Variants in EYS observed in about 807,000 individuals in gnomAD.
EYS encodes the protein protein eyes shut homolog.
EYS carries 250 observed loss-of-function variants against 282.1 expected under a neutral mutation model. The observed-to-expected ratio is 0.89, with a 90% CI of 0.80 to 0.98. The LOEUF (loss-of-function observed/expected upper bound fraction) is 0.98. Ranked by LOEUF, EYS falls within the 50% of genes least tolerant of loss-of-function variation. EYS has a pLI of 0.00. For missense variants in EYS, 4,016 were observed against 3,709.0 expected, an observed-to-expected ratio of 1.08 and a Z score of -2.15; for synonymous variants, 1,355 against 1,282.9, an observed-to-expected ratio of 1.06 and a Z score of -1.20.
intron 41 of EYS, among the ~76,000 whole-genome samples, chr6:63,759,742 A>C (rs1190513709): frequency 6.6e-6 from 1 of 152,044 alleles, no homozygotes; most frequent in African/African-American, 2.4e-5. Flanking sequence ...GGCCAAATAC[A>C]CCTGAAAAAC....
chr6:63,767,588 A>G (rs1253875836), intron 40 of EYS, among the ~76,000 whole-genome samples: 1 of 152,128 alleles, frequency 6.6e-6, no homozygotes. Context: ...GATAACACAA[A>G]CAAATGAAAA....
At chr6:65,600,333 A>C (rs1288582481) in intron 2 of EYS, among the ~76,000 whole-genome samples, 1 of 152,020 alleles carries the variant, frequency 6.6e-6, no homozygotes, top group Non-Finnish European at 1.5e-5. Flanking sequence ...GTAAACCTTC[A>C]AGAAGAACCT....
chr6:64,179,147 G>C (rs1764717986), intron 31 of EYS, among the ~76,000 whole-genome samples: 1 of 152,028 alleles, frequency 6.6e-6, no homozygotes, highest in Non-Finnish European at 1.5e-5. Context: ...AAGAATGTAT[G>C]TCCAAATAGT....
At chr6:64,367,694 T>C (rs1347395320) in intron 29 of EYS, among the ~76,000 whole-genome samples, 1 of 152,100 alleles carries the variant, frequency 6.6e-6, no homozygotes, top group African/African-American at 2.4e-5. Context: ...TATTCTATAT[T>C]GCATATGTCA....
intron 18 of EYS, among the ~76,000 whole-genome samples, chr6:64,896,746 A>T (rs1352052155): frequency 6.6e-6 from 1 of 151,970 alleles, no homozygotes; most frequent in Non-Finnish European, 1.5e-5. Flanking sequence ...TCCACCTGGG[A>T]TGCTGGAGTT....
chr6:63,994,148 T>C (rs9450502), intron 34 of EYS, among the ~76,000 whole-genome samples: 6,203 of 152,064 alleles, frequency 0.041, 377 homozygotes, highest in African/African-American at 0.14. Context: ...CTTGAGGTAG[T>C]AGAAAATTCA....
At chr6:63,913,476 C>A (rs922269743) in intron 35 of EYS, among the ~76,000 whole-genome samples, 4 of 152,098 alleles carry the variant, frequency 2.6e-5, no homozygotes, top group East Asian at 1.9e-4. Context: ...AGCTCCATGC[C>A]CATTATCATG....
chr6:64,478,506 T>A (rs1318783832), intron 26 of EYS, among the ~76,000 whole-genome samples: 1 of 151,546 alleles, frequency 6.6e-6, no homozygotes, highest in African/African-American at 2.4e-5. Flanking sequence ...AATTTTTTCA[T>A]AATATTAAAT....
rs111252414 is a variant in EYS, at chr6:65,436,397, C to A, written c.863-31030G>T. On this transcript the variant is annotated intron_variant, in intron 5 of 42. Coordinates refer to ENST00000503581, the MANE Select transcript of EYS (RefSeq NM_001142800.2). ...ATGAGAAGCAAGAGAAGGTAGACTG[C>A]AATCAGCACATCTATTCAAAGCCAT... is the stretch of plus-strand genomic sequence containing the variant. 5.8e-3 allele frequency among the ~76,000 whole-genome samples: 885 copies of A among 151,836 alleles called. 11 individuals are homozygous for A. Among genetic ancestry groups the A allele is most frequent in the East Asian group, 0.035 (181 of 5,150 alleles).
At chr6:65,008,817 T>C (rs1033396334) in intron 13 of EYS, among the ~76,000 whole-genome samples, 1 of 152,070 alleles carries the variant, frequency 6.6e-6, no homozygotes, top group African/African-American at 2.4e-5. Context: ...GGCCAGGAGG[T>C]TAACTGTCTC....
At chr6:65,499,522 C>G (rs571534676) in intron 2 of EYS, among the ~76,000 whole-genome samples, 82 of 151,996 alleles carry the variant, frequency 5.4e-4, no homozygotes, top group African/African-American at 1.9e-3. Flanking sequence ...CAATAAGCAG[C>G]TTTTTATTTG....
intron 11 of EYS, among the ~76,000 whole-genome samples, chr6:65,317,810 C>T (rs1769337361): frequency 4.4e-5 from 2 of 45,076 alleles, no homozygotes; most frequent in Non-Finnish European, 7.9e-5. Context: ...TCCTTCCTTC[C>T]TTCCTTCCTT....
chr6:64,903,722 T>C (rs1360692278), intron 16 of EYS, among the ~76,000 whole-genome samples: 1 of 152,126 alleles, frequency 6.6e-6, no homozygotes, highest in Non-Finnish European at 1.5e-5. Context: ...ATTCCCACGA[T>C]AGAACACGGA....
At chr6:65,172,392 T>G (rs913592536) in intron 12 of EYS, among the ~76,000 whole-genome samples, 16 of 151,412 alleles carry the variant, frequency 1.1e-4, no homozygotes, top group African/African-American at 3.9e-4. Flanking sequence ...GGGGCATACA[T>G]ACACCAATAA....
intron 12 of EYS, among the ~76,000 whole-genome samples, chr6:65,163,325 A>C (rs766927245): frequency 6.6e-6 from 1 of 151,322 alleles, no homozygotes; most frequent in South Asian, 2.1e-4. Flanking sequence ...TGTTGTAACT[A>C]TAAAAGAGAG....
intron 12 of EYS, among the ~76,000 whole-genome samples, chr6:65,251,459 A>AG: frequency 1.3e-5 from 2 of 151,678 alleles, no homozygotes. Context: ...TTCCAAACAA[A>AG]AAAAAACAAC....
At chr6:64,426,005 T>C (rs1448250910) in intron 28 of EYS, among the ~76,000 whole-genome samples, 1 of 152,014 alleles carries the variant, frequency 6.6e-6, no homozygotes, top group African/African-American at 2.4e-5. Context: ...GGTGTTTAGA[T>C]AGATGAGTCT....
chr6:65,346,570 G>T (rs1770403278), intron 9 of EYS, among the ~76,000 whole-genome samples: 2 of 151,284 alleles, frequency 1.3e-5, no homozygotes, highest in Non-Finnish European at 1.5e-5. Context: ...AAAAGAAATA[G>T]GAAAGAGAAA....
chr6:64,645,626 A>T (rs564143136), intron 22 of EYS, among the ~76,000 whole-genome samples: 1 of 152,226 alleles, frequency 6.6e-6, no homozygotes, highest in Non-Finnish European at 1.5e-5. Flanking sequence ...AAGCTTTTTC[A>T]TCTGTAATAT....
Sources: allele counts gnomAD v4.1 joint callset (sites outside exome capture counted in the v4.1 genomes callset), GRCh38; gene constraint gnomAD v4.1.1; transcripts MANE v1.5; gene names NCBI Gene and HGNC (gene_info 2026-07-23, HGNC 2026-07-21).